STAT3: variants seen among roughly 807,000 people sequenced by gnomAD.
STAT3 encodes the protein signal transducer and activator of transcription 3.
STAT3 carries 7 observed loss-of-function variants against 114.3 expected under a neutral mutation model. The ratio of observed to expected loss-of-function variants is 0.06; its 90% CI spans 0.03 to 0.11. STAT3 has a LOEUF of 0.11. STAT3 is among the 10% of genes least tolerant of loss of function. STAT3 has a pLI of 1.00. For synonymous variants in STAT3, 331 were observed against 354.5 expected (o/e 0.93, Z 0.74); for missense variants, 364 against 960.9 (o/e 0.38, Z 8.21).
At chr17:42,368,679 C>T (rs1259496911) in intron 1 of STAT3, among the ~76,000 whole-genome samples, 1 of 151,644 alleles carries the variant, frequency 6.6e-6, no homozygotes, top group African/African-American at 2.4e-5. Context: ...AAGCTGGTCT[C>T]GAATTCCTGG....
chr17:42,327,642 A>G (rs1036973097), intron 14 of STAT3, among the ~76,000 whole-genome samples: 1 of 152,222 alleles, frequency 6.6e-6, no homozygotes, highest in African/African-American at 2.4e-5. Flanking sequence ...CCGTTGGTTT[A>G]CAGGTATGTT....
chr17:42,370,808 C>T (rs1374798407), intron 1 of STAT3, among the ~76,000 whole-genome samples: 1 of 149,210 alleles, frequency 6.7e-6, no homozygotes, highest in Non-Finnish European at 1.5e-5. Flanking sequence ...GGTTTCACTA[C>T]GTATTGGCCA....
At chr17:42,374,659 C>T (rs996857329) in intron 1 of STAT3, among the ~76,000 whole-genome samples, 11 of 150,084 alleles carry the variant, frequency 7.3e-5, no homozygotes, top group African/African-American at 2.7e-4. Context: ...ATTCACATTG[C>T]GTTTTCCAGT....
Position 42,337,715 on chromosome 17 carries a change from G to T in STAT3, c.645+48C>A. 2 of 1,612,524 alleles carry T rather than the reference G, an allele frequency of 1.2e-6. No homozygotes were observed. Among genetic ancestry groups the T allele is most frequent in the Non-Finnish European group, 1.7e-6 (2 of 1,178,646 alleles). ...TTCTGCCACAAGACGCTGAAATCCC[G>T]CAAGTGAGCGAGACACATGGGGGAA... On this transcript the variant is annotated intron_variant, in intron 7 of 23. Transcript: ENST00000264657. This position sits in a 1 kb window ranked among gnomAD's most constrained non-coding sequence, Gnocchi z 4.0.
Position 42,313,542 on chromosome 17 carries a change from A to G in STAT3, c.*2203T>C, listed in dbSNP as rs1598374373. ...CGGGATTCCCTCGGCTGGGCTGGGGATGGGGAGGGGGCAGTGGACAGGAAG... is the reference window on the plus strand; with the variant it reads ...CGGGATTCCCTCGGCTGGGCTGGGGGTGGGGAGGGGGCAGTGGACAGGAAG... On this transcript the variant is annotated 3_prime_UTR_variant, in exon 24 of 24. Coordinates refer to ENST00000264657, the MANE Select transcript of STAT3 (RefSeq NM_139276.3). 4.3e-6 allele frequency: 1 copy of G among 230,636 alleles called. No homozygotes were observed. The allele number at this position is 230,636 out of a possible 1,614,324, so 14.3% of individuals were successfully genotyped here. A position where few individuals can be genotyped will look rare whatever the true frequency, so the allele number is the denominator to read the frequency against.
chr17:42,362,161 TTTG>T (rs531978539), intron 1 of STAT3, among the ~76,000 whole-genome samples: 2 of 152,286 alleles, frequency 1.3e-5, no homozygotes, highest in East Asian at 3.9e-4. Context: ...CTAAAAACTG[TTTG>T]TTCTATAAAT....
At chr17:42,327,245 G>T (rs967995928) in intron 14 of STAT3, among the ~76,000 whole-genome samples, 2 of 151,922 alleles carry the variant, frequency 1.3e-5, no homozygotes, top group Non-Finnish European at 2.9e-5. Flanking sequence ...TGTCTTTTGG[G>T]TTTATCATTT....
At chr17:42,347,606 T>G (rs1233388811) in intron 2 of STAT3, among the ~76,000 whole-genome samples, 1 of 152,178 alleles carries the variant, frequency 6.6e-6, no homozygotes, top group East Asian at 1.9e-4. Context: ...TGCCCAAATC[T>G]CATACTGAAA....
chr17:42,363,356 T>C (rs552437807), intron 1 of STAT3, among the ~76,000 whole-genome samples: 31 of 152,258 alleles, frequency 2.0e-4, no homozygotes, highest in Admixed American at 9.2e-4. Flanking sequence ...TAACATCTCA[T>C]TGTCCAATGC....
At chr17:42,327,664 T>C (rs906444659) in intron 14 of STAT3, among the ~76,000 whole-genome samples, 3 of 152,230 alleles carry the variant, frequency 2.0e-5, no homozygotes, top group Non-Finnish European at 2.9e-5. Flanking sequence ...ATTTTTATAC[T>C]GCCAAATTGT....
At chr17:42,356,676 C>T (rs1255196801) in intron 1 of STAT3, among the ~76,000 whole-genome samples, 1 of 152,028 alleles carries the variant, frequency 6.6e-6, no homozygotes, top group Non-Finnish European at 1.5e-5. Flanking sequence ...ACCAGCTGCC[C>T]AAGCTGGTCT....
At chr17:42,360,059 C>CAAAA (rs71157617) in intron 1 of STAT3, among the ~76,000 whole-genome samples, 15 of 47,386 alleles carry the variant, frequency 3.2e-4, no homozygotes, top group African/African-American at 5.5e-4. Context: ...GACTCCGTCT[C>CAAAA]AAAAAAAAAA....
chr17:42,334,937 C>G (rs2144844863), intron 8 of STAT3, among the ~76,000 whole-genome samples: 1 of 152,236 alleles, frequency 6.6e-6, no homozygotes, highest in South Asian at 2.1e-4. Flanking sequence ...ACTTACTTTA[C>G]TCATCCTAAC....
In STAT3 at chr17:42,337,704, G is replaced by A. The variant is rs1295554227; in HGVS notation, c.645+59C>T. 1.4e-5 allele frequency: 23 copies of A among 1,612,954 alleles called. No homozygotes were observed. The Admixed American group carries it at 1.8e-4, about 13-fold the overall frequency. ...AACCAAGCAAGTTCTGCCACAAGAC[G>A]CTGAAATCCCGCAAGTGAGCGAGAC... is the stretch of plus-strand genomic sequence containing the variant. On this transcript the variant is annotated intron_variant, in intron 7 of 23. Transcript: ENST00000264657. The surrounding 1 kb of genome is among the most constrained non-coding windows in gnomAD (Gnocchi z 4.0).
chr17:42,348,258 T>G, intron 2 of STAT3, 131 bp downstream of exon 2: 4 of 1,352,126 alleles, frequency 3.0e-6, no homozygotes, highest in Non-Finnish European at 4.2e-6. Context: ...CTTTATCTCC[T>G]GATCTCATTT....
chr17:42,337,828 A>T lies in STAT3; in HGVS notation c.580T>A (p.Ser194Thr), dbSNP rs1423110870. 6.2e-7 allele frequency: 1 copy of T among 1,614,228 alleles called. No homozygotes were observed. Residue 194 changes from serine to threonine, a missense_variant, in exon 7 of 24, where the codon TCA (serine) becomes ACA (threonine). Physicochemically the swap from Ser to Thr is moderately conservative, Grantham distance 58 (BLOSUM62 1). Transcript: ENST00000264657. The surrounding 1 kb of genome is among the most constrained non-coding windows in gnomAD (Gnocchi z 4.0). The part of the protein sequence containing the change: ...DMQDLNGNNQ[S>T]VTRQKMQQLE... ...TGCTGCATCTTCTGCCTGGTCACTGACTGGTTGTTTCCATTCAGATCTTGC... is the reference window on the plus strand; with the variant it reads ...TGCTGCATCTTCTGCCTGGTCACTGTCTGGTTGTTTCCATTCAGATCTTGC...
intron 20 of STAT3, 45 bp from the exon 21 acceptor site, chr17:42,322,539 G>C (rs1237939192): frequency 6.2e-7 from 1 of 1,607,798 alleles, no homozygotes; most frequent in Non-Finnish European, 8.5e-7. Flanking sequence ...CCTACAGCTA[G>C]GTCATCTCAG....
chr17:42,314,020 T>G lies in STAT3; in HGVS notation c.*1725A>C, dbSNP rs976959973. 4.3e-6 allele frequency: 1 copy of G among 231,058 alleles called. No individual in the cohort carries two copies. The highest frequency in any genetic ancestry group is 2.2e-5 in the African/African-American group (1 of 45,140). The allele number at this position is 231,058 out of a possible 1,614,324, so 14.3% of individuals were successfully genotyped here. A position where few individuals can be genotyped will look rare whatever the true frequency, so the allele number is the denominator to read the frequency against. On this transcript the variant is annotated 3_prime_UTR_variant, in exon 24 of 24. Coordinates refer to ENST00000264657, the MANE Select transcript of STAT3 (RefSeq NM_139276.3). ...TGCCAAATCCGGCCATGCCTCTGAG[T>G]CAGAGGCAGCCCATCCAGCACGTGC...
At chr17:42,359,109 G>T (rs958239487) in intron 1 of STAT3, among the ~76,000 whole-genome samples, 2 of 151,624 alleles carry the variant, frequency 1.3e-5, no homozygotes, top group Non-Finnish European at 2.9e-5. Context: ...CTAATTTTTT[G>T]TATTTTTAGT....
Sources: allele counts gnomAD v4.1 joint callset (sites outside exome capture counted in the v4.1 genomes callset), GRCh38; gene constraint gnomAD v4.1.1; non-coding constraint Gnocchi (gnomAD v3.1); transcripts MANE v1.5; gene names NCBI Gene and HGNC (gene_info 2026-07-23, HGNC 2026-07-21).